CNBD1: variants seen among roughly 807,000 people sequenced by gnomAD.
CNBD1 encodes cyclic nucleotide binding domain containing 1, also known as cyclic nucleotide-binding domain-containing protein 1.
CNBD1 carries 71 observed loss-of-function variants against 54.4 expected under a neutral mutation model. The ratio of observed to expected loss-of-function variants is 1.30; its 90% CI spans 1.08 to 1.59. The LOEUF (loss-of-function observed/expected upper bound fraction) is 1.59, where lower values mean the gene tolerates loss of function less well. CNBD1 is among the 40% of genes most tolerant of loss of function. The pLI, the probability that CNBD1 is intolerant of heterozygous loss-of-function variation, is 0.00. For synonymous variants in CNBD1, 182 were observed against 170.7 expected (o/e 1.07, Z -0.51); for missense variants, 659 against 518.0 (o/e 1.27, Z -2.64).
chr8:87,029,724 A>C (rs1809739235), intron 4 of CNBD1, among the ~76,000 whole-genome samples: 1 of 152,158 alleles, frequency 6.6e-6, no homozygotes, highest in Admixed American at 6.5e-5. Flanking sequence ...TGAGGAAAAA[A>C]AATGGATCAC....
intron 8 of CNBD1, among the ~76,000 whole-genome samples, chr8:87,348,742 C>A (rs1020740339): frequency 5.3e-5 from 8 of 152,160 alleles, no homozygotes; most frequent in Non-Finnish European, 1.2e-4. Context: ...TTCACTATCC[C>A]AGTGCTGATG....
intron 1 of CNBD1, among the ~76,000 whole-genome samples, chr8:86,872,964 A>T (rs879895009): frequency 1.2e-4 from 18 of 152,080 alleles, no homozygotes; most frequent in Non-Finnish European, 1.8e-4. Flanking sequence ...CCCTGTGTAT[A>T]TGAGAAAGCT....
chr8:86,939,593 C>A lies in CNBD1; in HGVS notation c.273-3C>A. 1 of 1,567,450 alleles carries A rather than the reference C, an allele frequency of 6.4e-7. No homozygotes were observed. Among genetic ancestry groups the A allele is most frequent in the South Asian group, 1.2e-5 (1 of 82,912 alleles). On this transcript the variant is annotated splice_polypyrimidine_tract_variant and splice_region_variant and intron_variant, in intron 3 of 10. Transcript: ENST00000518476. ...GCATAAAATACTATATTTTCTTGTTCAGGGAACTCAATGAAGGCAAAGAGG... is the reference window on the plus strand; with the variant it reads ...GCATAAAATACTATATTTTCTTGTTAAGGGAACTCAATGAAGGCAAAGAGG...
In CNBD1 at chr8:87,188,763, A is replaced by T. The variant is rs1453077020; in HGVS notation, c.432-17230A>T. On this transcript the variant is annotated intron_variant, in intron 4 of 10. Transcript: ENST00000518476. ...GACTCCATCTCAAAAAAAAAAAAAA[A>T]TAAAAATAAAAAATAAGTAAATAAA... 3.4e-3 allele frequency among the ~76,000 whole-genome samples: 513 copies of T among 150,644 alleles called. 2 individuals are homozygous for T. Among genetic ancestry groups the T allele is most frequent in the African/African-American group, 0.012 (492 of 40,632 alleles).
intron 4 of CNBD1, among the ~76,000 whole-genome samples, chr8:87,024,949 A>G (rs534222272): frequency 1.3e-5 from 2 of 152,300 alleles, no homozygotes; most frequent in East Asian, 3.9e-4. Context: ...GAGTGCATAG[A>G]AACTGACTAA....
chr8:87,408,856 G>A (rs1301403596), intron 2 of CNBD1, among the ~76,000 whole-genome samples: 4 of 152,016 alleles, frequency 2.6e-5, no homozygotes, highest in Non-Finnish European at 5.9e-5. Context: ...GCAATGACCT[G>A]CATCCATATA....
intron 4 of CNBD1, among the ~76,000 whole-genome samples, chr8:87,165,878 T>G (rs1188314624): frequency 6.6e-6 from 1 of 151,886 alleles, no homozygotes; most frequent in Non-Finnish European, 1.5e-5. Flanking sequence ...TATAAACAAA[T>G]TTTTTGTCTA....
chr8:86,919,071 C>G (rs2131822783), intron 3 of CNBD1, among the ~76,000 whole-genome samples: 1 of 151,712 alleles, frequency 6.6e-6, no homozygotes, highest in African/African-American at 2.4e-5. Flanking sequence ...AATTTTGCCC[C>G]TATAAAAATG....
chr8:86,943,532 A>G (rs919622535), intron 4 of CNBD1, among the ~76,000 whole-genome samples: 51 of 152,234 alleles, frequency 3.4e-4, no homozygotes, highest in African/African-American at 1.2e-3. Context: ...GGGAAAAATA[A>G]TAAATAATTT....
chr8:87,026,890 T>G (rs1809658905), intron 4 of CNBD1, among the ~76,000 whole-genome samples: 1 of 152,202 alleles, frequency 6.6e-6, no homozygotes, highest in Admixed American at 6.5e-5. Flanking sequence ...TTGGCTGGGT[T>G]TCTATGCCAA....
intron 2 of CNBD1, among the ~76,000 whole-genome samples, chr8:87,411,397 C>CATATATATATATATATAT (rs6150689): frequency 0.05 from 4,576 of 91,608 alleles, 291 homozygotes; most frequent in East Asian, 0.078. Flanking sequence ...CTAGCTATAT[C>CATATATATATATATATAT]ATATATATAT....
At chr8:87,344,142 G>C (rs904622358) in intron 8 of CNBD1, among the ~76,000 whole-genome samples, 1 of 151,930 alleles carries the variant, frequency 6.6e-6, no homozygotes, top group Admixed American at 6.6e-5. Flanking sequence ...GTACAAACAG[G>C]AAAAATAATC....
intron 4 of CNBD1, among the ~76,000 whole-genome samples, chr8:87,103,115 T>G (rs1323423301): frequency 6.6e-6 from 1 of 152,186 alleles, no homozygotes; most frequent in Non-Finnish European, 1.5e-5. Context: ...ATTTAAAGTT[T>G]CACCAAAGGA....
At chr8:87,067,271 T>C (rs1411783588) in intron 4 of CNBD1, among the ~76,000 whole-genome samples, 2 of 151,974 alleles carry the variant, frequency 1.3e-5, no homozygotes, top group Non-Finnish European at 2.9e-5. Flanking sequence ...GGAAAAAAGT[T>C]GGAGAAAGAA....
At chr8:87,126,070 C>T (rs1341125659) in intron 4 of CNBD1, among the ~76,000 whole-genome samples, 3 of 151,864 alleles carry the variant, frequency 2.0e-5, no homozygotes, top group African/African-American at 7.2e-5. Flanking sequence ...GTCTATCCAA[C>T]ATATTGTGGG....
chr8:87,206,490 A>C (rs944184351), intron 5 of CNBD1, among the ~76,000 whole-genome samples: 2 of 152,144 alleles, frequency 1.3e-5, no homozygotes, highest in Non-Finnish European at 2.9e-5. Flanking sequence ...AGGTGATGCC[A>C]CCAGTGCAGG....
intron 10 of CNBD1, among the ~76,000 whole-genome samples, chr8:87,355,193 T>G (rs1810397162): frequency 6.6e-6 from 1 of 152,200 alleles, no homozygotes; most frequent in Non-Finnish European, 1.5e-5. Flanking sequence ...TATAATATAT[T>G]CTGAATTAAT....
chr8:87,419,652 T>C (rs1653175625), intron 2 of CNBD1, among the ~76,000 whole-genome samples: 1 of 151,944 alleles, frequency 6.6e-6, no homozygotes, highest in Non-Finnish European at 1.5e-5. Flanking sequence ...ATTGATACTG[T>C]AATCCCAGGA....
intron 4 of CNBD1, among the ~76,000 whole-genome samples, chr8:87,164,864 G>C (rs1213080660): frequency 1.3e-5 from 2 of 151,572 alleles, no homozygotes; most frequent in African/African-American, 4.8e-5. Context: ...GAGGTATGAA[G>C]GTAGTTTATT....
Sources: allele counts gnomAD v4.1 joint callset (sites outside exome capture counted in the v4.1 genomes callset), GRCh38; gene constraint gnomAD v4.1.1; transcripts MANE v1.5; gene names NCBI Gene and HGNC (gene_info 2026-07-23, HGNC 2026-07-21).